The following KIAA1217 variants were observed in gnomAD, a reference collection of about 807,000 sequenced individuals.
KIAA1217 encodes the protein KIAA1217.
In KIAA1217, 88 loss-of-function variants were observed where a neutral mutation model predicts 163.9. The observed-to-expected ratio is 0.54, with a 90% CI of 0.45 to 0.64. The LOEUF (loss-of-function observed/expected upper bound fraction) is 0.64, where lower values mean the gene tolerates loss of function less well. KIAA1217 is among the 30% of genes least tolerant of loss of function. KIAA1217 has a pLI of 0.00. For synonymous variants in KIAA1217, 903 were observed against 923.1 expected, an observed-to-expected ratio of 0.98 and a Z score of 0.39; for missense variants, 2,372 against 2,475.0, an observed-to-expected ratio of 0.96 and a Z score of 0.88.
chr10:23,779,870 A>C (rs141070120), intron 1 of KIAA1217, among the ~76,000 whole-genome samples: 267 of 152,320 alleles, frequency 1.8e-3, no homozygotes, highest in African/African-American at 6.1e-3. Flanking sequence ...CTATGTTTAG[A>C]TACACAAATA....
intron 6 of KIAA1217, among the ~76,000 whole-genome samples, chr10:24,479,973 C>A (rs1011383612): frequency 2.0e-5 from 3 of 152,216 alleles, no homozygotes; most frequent in Admixed American, 6.5e-5. Flanking sequence ...CACTAGGCCC[C>A]ACCTCCCAGC....
intron 2 of KIAA1217, among the ~76,000 whole-genome samples, chr10:24,038,738 T>A (rs560006526): frequency 1.4e-5 from 2 of 140,938 alleles, no homozygotes; most frequent in African/African-American, 2.6e-5. Context: ...GACAATCACC[T>A]GAGAATTGCT....
At chr10:24,406,791 A>G (rs1486501937) in intron 3 of KIAA1217, among the ~76,000 whole-genome samples, 2 of 152,240 alleles carry the variant, frequency 1.3e-5, no homozygotes, top group Non-Finnish European at 2.9e-5. Flanking sequence ...CTTAATGTGT[A>G]CAGATTTCAG....
chr10:24,140,287 G>C (rs1056005119), intron 2 of KIAA1217, among the ~76,000 whole-genome samples: 4 of 151,478 alleles, frequency 2.6e-5, no homozygotes, highest in Non-Finnish European at 5.9e-5. Context: ...ATGAACCCGG[G>C]AGGCGGAGGT....
chr10:23,910,994 C>G (rs1170856356), intron 1 of KIAA1217, among the ~76,000 whole-genome samples: 1 of 152,190 alleles, frequency 6.6e-6, no homozygotes, highest in Admixed American at 6.5e-5. Flanking sequence ...GCCTATCCCC[C>G]ATCTCTAACT....
intron 2 of KIAA1217, among the ~76,000 whole-genome samples, chr10:24,324,859 A>T (rs553340474): frequency 1.2e-4 from 18 of 152,272 alleles, no homozygotes; most frequent in African/African-American, 4.3e-4. Context: ...GCCCGAGGTT[A>T]TCATGTTTCC....
At chr10:24,304,334 T>G (rs1036376283) in intron 2 of KIAA1217, among the ~76,000 whole-genome samples, 1 of 152,044 alleles carries the variant, frequency 6.6e-6, no homozygotes, top group Non-Finnish European at 1.5e-5. Context: ...GGGGCTTTAT[T>G]TAAATTTTTT....
intron 1 of KIAA1217, among the ~76,000 whole-genome samples, chr10:23,813,453 T>C (rs1451387290): frequency 6.6e-6 from 1 of 152,102 alleles, no homozygotes; most frequent in Non-Finnish European, 1.5e-5. Flanking sequence ...TCTGTAATTA[T>C]CTATCTTTAA....
At chr10:24,038,453 T>A (rs929693735) in intron 2 of KIAA1217, among the ~76,000 whole-genome samples, 2 of 152,188 alleles carry the variant, frequency 1.3e-5, no homozygotes, top group South Asian at 4.1e-4. Flanking sequence ...GAAACACTGA[T>A]TAGGTGACAA....
At chr10:24,343,726 C>T (rs947910565) in intron 2 of KIAA1217, among the ~76,000 whole-genome samples, 3 of 152,296 alleles carry the variant, frequency 2.0e-5, no homozygotes, top group Middle Eastern at 3.4e-3. Flanking sequence ...AGCTTCCTTA[C>T]GTTGTAATAT....
chr10:23,847,480 T>A (rs1005164102), intron 1 of KIAA1217, among the ~76,000 whole-genome samples: 3 of 152,214 alleles, frequency 2.0e-5, no homozygotes, highest in South Asian at 2.1e-4. Flanking sequence ...CAGGAATTTA[T>A]CCATTTCTTC....
At chr10:24,031,156 G>A (rs968533167) in intron 2 of KIAA1217, among the ~76,000 whole-genome samples, 1 of 152,036 alleles carries the variant, frequency 6.6e-6, no homozygotes, top group African/African-American at 2.4e-5. Context: ...CAGTGCACAA[G>A]GGCTTCAACT....
chr10:24,194,619 A>T (rs188247595), intron 2 of KIAA1217, among the ~76,000 whole-genome samples: 287 of 151,638 alleles, frequency 1.9e-3, no homozygotes, highest in African/African-American at 6.8e-3. Flanking sequence ...TGTCAACCAG[A>T]CTGAAGTGGA....
intron 1 of KIAA1217, among the ~76,000 whole-genome samples, chr10:23,748,541 G>A (rs977026918): frequency 3.8e-5 from 5 of 130,420 alleles, no homozygotes; most frequent in South Asian, 2.9e-4. Flanking sequence ...GGGGAGGGGA[G>A]GAGAGGAGAG....
intron 1 of KIAA1217, among the ~76,000 whole-genome samples, chr10:23,900,462 G>A (rs775158023): frequency 1.3e-5 from 2 of 152,050 alleles, no homozygotes; most frequent in Non-Finnish European, 2.9e-5. Context: ...TATGATATAT[G>A]AGACAGTCTC....
Position 24,196,172 on chromosome 10 carries a change from C to CACACACACACACACACACACAT in KIAA1217, c.-170-23454_-170-23453insACACACACACACACACACACAT, listed in dbSNP as rs1222471443. Among the ~76,000 whole-genome samples, 108 of 146,644 alleles carry CACACACACACACACACACACAT rather than the reference C, an allele frequency of 7.4e-4. 1 individual carries two copies. The East Asian group carries it at 0.012, about 16-fold the overall frequency. On this transcript the variant is annotated intron_variant, in intron 2 of 18. Transcript: ENST00000376462. ...ACACACACACACACACACACACACACTGCCCTCACAAGTTGGAGCATACTT... is the reference window on the plus strand; with the variant it reads ...ACACACACACACACACACACACACACACACACACACACACACACACATTGCCCTCACAAGTTGGAGCATACTT...
intron 2 of KIAA1217, among the ~76,000 whole-genome samples, chr10:24,342,892 G>A (rs1026526631): frequency 3.3e-5 from 5 of 151,842 alleles, no homozygotes; most frequent in African/African-American, 4.8e-5. Context: ...TCCTAACCTC[G>A]GGGATCCGCC....
intron 1 of KIAA1217, among the ~76,000 whole-genome samples, chr10:23,710,507 C>T (rs1333722710): frequency 6.6e-6 from 1 of 152,204 alleles, no homozygotes; most frequent in African/African-American, 2.4e-5. Flanking sequence ...GAATATAGTG[C>T]ATACTTGTTC....
intron 5 of KIAA1217, among the ~76,000 whole-genome samples, chr10:24,440,463 T>A (rs1268023619): frequency 6.6e-6 from 1 of 152,174 alleles, no homozygotes; most frequent in Middle Eastern, 3.2e-3. Context: ...TGCCCCAGAA[T>A]CGCCTCTGAG....
Sources: allele counts gnomAD v4.1 joint callset (sites outside exome capture counted in the v4.1 genomes callset), GRCh38; gene constraint gnomAD v4.1.1; transcripts MANE v1.5; gene names NCBI Gene and HGNC (gene_info 2026-07-23, HGNC 2026-07-21).